The following TMEM67 variants were observed in gnomAD, a reference collection of about 807,000 sequenced individuals.
TMEM67 encodes meckelin.
TMEM67 carries 124 observed loss-of-function variants against 136.6 expected under a neutral mutation model. The ratio of observed to expected loss-of-function variants is 0.91; its 90% confidence interval spans 0.78 to 1.05. The LOEUF is 1.05. Among genes scored for constraint, TMEM67 ranks in the 50% least tolerant of loss-of-function variants. The pLI is 0.00. For synonymous variants in TMEM67, 364 were observed against 390.5 expected, an observed-to-expected ratio of 0.93 and a Z score of 0.80; for missense variants, 1,107 against 1,178.4, an observed-to-expected ratio of 0.94 and a Z score of 0.89.
At chr8:93,823,684 T>C (rs1199820291), downstream of TMEM67, among the ~76,000 whole-genome samples, 8 of 152,206 alleles carry the variant, frequency 5.3e-5, no homozygotes, top group Admixed American at 5.2e-4. Flanking sequence ...ACAGTGGGTC[T>C]AGATTGACCA....
the TMEM67 span, among the ~76,000 whole-genome samples, chr8:93,824,850 G>T: frequency 6.6e-6 from 1 of 152,168 alleles, no homozygotes. Flanking sequence ...GAGTAGCTGG[G>T]ATTACAGGCA....
intron 21 of TMEM67, among the ~76,000 whole-genome samples, chr8:93,803,269 C>A (rs544564308): frequency 6.6e-6 from 1 of 152,082 alleles, no homozygotes; most frequent in African/African-American, 2.4e-5. Flanking sequence ...AATTGCAAAC[C>A]CAAACATAAA....
At chr8:93,821,140 G>A (rs969017834), downstream of TMEM67, among the ~76,000 whole-genome samples, 8 of 152,124 alleles carry the variant, frequency 5.3e-5, no homozygotes, top group Non-Finnish European at 1.2e-4. Flanking sequence ...GAATATCCCA[G>A]TGGAAAAAAT....
intron 14 of TMEM67, 104 bp from the exon 15 acceptor site, chr8:93,791,159 A>G (rs1814357587): frequency 6.8e-6 from 5 of 740,370 alleles, no homozygotes; most frequent in South Asian, 1.6e-5. Flanking sequence ...GTTAAAAACT[A>G]TAGTGTTTAT....
chr8:93,799,692 T>C lies in TMEM67; in HGVS notation c.2175T>C (p.Ala725=), dbSNP rs368159329. 114 of 1,613,252 alleles carry C rather than the reference T, an allele frequency of 7.1e-5. No homozygotes were observed. The highest frequency in any genetic ancestry group is 1.0e-4 in the Admixed American group (6 of 60,018). Residue 725 remains alanine (A), a synonymous_variant, in exon 21 of 28, where the codon GCT becomes GCC. Coordinates refer to ENST00000453321, the MANE Select transcript of TMEM67 (RefSeq NM_153704.6). ...SLSRNPPSYI[A]PYSCILRYAV... ...CTAGAAACCCACCTAGCTACATAGC[T>C]CCTTATAGCTGCATTTTGAGATATG... is the stretch of plus-strand genomic sequence containing the variant.
At chr8:93,812,498 A>G (rs918037820) in intron 26 of TMEM67, among the ~76,000 whole-genome samples, 9 of 152,212 alleles carry the variant, frequency 5.9e-5, no homozygotes, top group Admixed American at 1.3e-4. Flanking sequence ...ACAAAAACAA[A>G]CAAACAAAAA....
At chr8:93,790,803 T>C (rs1299621570) in intron 14 of TMEM67, among the ~76,000 whole-genome samples, 2 of 152,228 alleles carry the variant, frequency 1.3e-5, no homozygotes, top group Non-Finnish European at 2.9e-5. Flanking sequence ...CTTCCTCTCC[T>C]ACCCCTCACA....
At chr8:93,827,694 A>G in the TMEM67 span, among the ~76,000 whole-genome samples, 1 of 151,406 alleles carries the variant, frequency 6.6e-6, no homozygotes, top group African/African-American at 2.4e-5. Context: ...CCTGTGCTCA[A>G]GCAATCTTCC....
intron 14 of TMEM67, among the ~76,000 whole-genome samples, chr8:93,789,127 A>G (rs774895899): frequency 9.9e-5 from 15 of 152,154 alleles, no homozygotes; most frequent in Non-Finnish European, 2.1e-4. Context: ...TTGAATTTCT[A>G]CTATTTTACT....
intron 26 of TMEM67, among the ~76,000 whole-genome samples, chr8:93,811,861 C>A (rs1044988321): frequency 2.6e-5 from 4 of 151,604 alleles, no homozygotes; most frequent in Admixed American, 2.6e-4. Context: ...GAAACCACTG[C>A]TAATGGGGCC....
At chr8:93,775,136 T>A (rs1248102584) in intron 7 of TMEM67, among the ~76,000 whole-genome samples, 1 of 152,266 alleles carries the variant, frequency 6.6e-6, no homozygotes. Flanking sequence ...CATGTGTCTG[T>A]TGGCTGCATA....
At chr8:93,792,170 A>AATTTT (rs1160765009) in intron 15 of TMEM67, among the ~76,000 whole-genome samples, 3 of 150,702 alleles carry the variant, frequency 2.0e-5, no homozygotes, top group African/African-American at 7.3e-5. Context: ...CCGGCCCTCT[A>AATTTT]ATTTTATTTT....
intron 25 of TMEM67, 81 bp from the exon 26 acceptor site, chr8:93,809,704 C>T (rs1382852488): frequency 8.4e-6 from 7 of 830,968 alleles, no homozygotes; most frequent in Admixed American, 2.2e-5. Flanking sequence ...TTTTCATTTT[C>T]TCTCCTGCTG....
At chr8:93,815,520 T>C in intron 27 of TMEM67, 73 bp downstream of exon 27, 1 of 1,356,310 alleles carries the variant, frequency 7.4e-7, no homozygotes, top group Non-Finnish European at 1.0e-6. Flanking sequence ...GATATTTTCA[T>C]AGCAGAGAGT....
intron 6 of TMEM67, among the ~76,000 whole-genome samples, chr8:93,766,149 A>G (rs139365921): frequency 1.2e-3 from 182 of 151,932 alleles, no homozygotes; most frequent in African/African-American, 4.1e-3. Context: ...TTTGAGATGG[A>G]GTCTCGCTCT....
chr8:93,795,643 G>A, intron 17 of TMEM67, 136 bp downstream of exon 17: 1 of 767,998 alleles, frequency 1.3e-6, no homozygotes, highest in East Asian at 2.6e-5. Context: ...CCCATTCCTT[G>A]AGTGTGCTGA....
downstream of TMEM67, among the ~76,000 whole-genome samples, chr8:93,818,790 G>A (rs540024754): frequency 3.9e-5 from 6 of 151,972 alleles, no homozygotes; most frequent in East Asian, 3.9e-4. Context: ...GATTAGTTTC[G>A]TGGGTGTGTG....
At chr8:93,829,282 C>T in the TMEM67 span, among the ~76,000 whole-genome samples, 21 of 152,030 alleles carry the variant, frequency 1.4e-4, no homozygotes, top group African/African-American at 4.6e-4. Context: ...CCGTATGTCC[C>T]GAATGGACAG....
At chr8:93,783,325 A>G (rs1813935409) in intron 11 of TMEM67, among the ~76,000 whole-genome samples, 1 of 152,216 alleles carries the variant, frequency 6.6e-6, no homozygotes, top group Non-Finnish European at 1.5e-5. Context: ...TCTTCATAAT[A>G]AATTGTTTAT....
Sources: gnomAD v4.1 joint callset for allele counts (sites outside exome capture counted in the v4.1 genomes callset) on GRCh38, gnomAD v4.1.1 for gene constraint, MANE v1.5 for transcripts, NCBI Gene and HGNC (gene_info 2026-07-23, HGNC 2026-07-21) for gene names.